The following FAM89A variants were observed in gnomAD, a reference collection of about 807,000 sequenced individuals.
FAM89A encodes the protein family with sequence similarity 89 member A.
In FAM89A, 10 loss-of-function variants were observed where a neutral mutation model predicts 7.1. That is an observed-to-expected ratio of 1.40 (90% confidence interval 0.86 to 2.38). FAM89A has a LOEUF of 2.38. Among genes scored for constraint, FAM89A ranks in the 30% most tolerant of loss-of-function variants. The pLI is 0.00. For missense variants in FAM89A, 276 were observed against 262.8 expected, an observed-to-expected ratio of 1.05 and a Z score of -0.35; for synonymous variants, 157 against 129.3, an observed-to-expected ratio of 1.21 and a Z score of -1.45.
At chr1:231,024,399 A>C (rs1679927803) in intron 1 of FAM89A, among the ~76,000 whole-genome samples, 1 of 152,132 alleles carries the variant, frequency 6.6e-6, no homozygotes, top group Non-Finnish European at 1.5e-5. Context: ...TTGGGTGTTA[A>C]ATTCCAGGTT....
chr1:231,022,140 G>C, intron 1 of FAM89A: 1 of 1,185,282 alleles, frequency 8.4e-7, no homozygotes, highest in Non-Finnish European at 1.3e-6. Context: ...CCAACTTGTA[G>C]GAAAAAGATC....
intron 1 of FAM89A, among the ~76,000 whole-genome samples, chr1:231,036,780 T>C (rs1031186351): frequency 2.6e-5 from 4 of 152,128 alleles, no homozygotes; most frequent in African/African-American, 9.7e-5. Flanking sequence ...AAACCTCTCT[T>C]CCAGCTTCCA....
chr1:231,021,894 G>C, intron 1 of FAM89A: 1 of 1,563,976 alleles, frequency 6.4e-7, no homozygotes, highest in Non-Finnish European at 8.8e-7. Flanking sequence ...ATGGTGAGCA[G>C]TGACGATGAG....
Position 231,019,882 on chromosome 1 carries a change from C to T in FAM89A, c.536G>A (p.Trp179Ter), listed in dbSNP as rs1380992481. The change falls in exon 2 of 2, where the codon TGG becomes TAG. Residue 179 changes from tryptophan to a stop codon, truncating the protein, a stop_gained. Transcript: ENST00000366654. LOFTEE classifies it high-confidence loss of function. ...LPVSSLSSSD[W>*]ILESI ...GACCCTCTAGATGGACTCCAGAATC[C>T]AGTCGCTGCTGGAGAGGGAGGAGAC... is the stretch of plus-strand genomic sequence containing the variant. 6.2e-7 allele frequency: 1 copy of T among 1,614,066 alleles called. No homozygotes were observed.
In FAM89A at chr1:231,019,925, G is replaced by A. The variant is rs201759730; in HGVS notation, c.493C>T (p.Arg165Trp). 2.1e-4 allele frequency: 337 copies of A among 1,614,142 alleles called. 2 individuals carry two copies. The highest frequency in any genetic ancestry group is 1.3e-3 in the South Asian group (114 of 91,086). Residue 165 changes from arginine to tryptophan, a missense_variant, in exon 2 of 2, where the codon CGG becomes TGG. Arg to Trp is a moderately radical substitution (Grantham distance 101). Transcript: ENST00000366654. ...GAGGAGACAGGCAGTGACAAGTCCC[G>A]AGGAGGGCCTCGGTCCCTCCTGTCG... ...LHDRRDRGPP[R>W]DLSLPVSSLS... is the part of the protein sequence containing the mutation.
At chr1:231,021,965 G>A (rs1169266767) in intron 1 of FAM89A, 1 of 1,376,588 alleles carries the variant, frequency 7.3e-7, no homozygotes, top group Non-Finnish European at 1.0e-6. Flanking sequence ...CACCAGGGAT[G>A]AGGGCGCTAT....
chr1:231,039,905 G>A lies in FAM89A; in HGVS notation c.291+16C>T. ...GCCCGGCCGGGAAGAGCCCCAGCTCGCGGAGCCCCACTCACCATCTCTTTG... is the reference window on the plus strand; with the variant it reads ...GCCCGGCCGGGAAGAGCCCCAGCTCACGGAGCCCCACTCACCATCTCTTTG... On this transcript the variant is annotated intron_variant, in intron 1 of 1. Coordinates refer to ENST00000366654, the MANE Select transcript of FAM89A (RefSeq NM_198552.3). 7.7e-7 allele frequency: 1 copy of A among 1,292,632 alleles called. No homozygotes were observed. Among genetic ancestry groups the A allele is most frequent in the Non-Finnish European group, 9.8e-7 (1 of 1,021,980 alleles). The allele number at this position is 1,292,632 out of a possible 1,614,324, so 80.1% of individuals were successfully genotyped here.
chr1:231,033,216 C>A (rs941319034), intron 1 of FAM89A, among the ~76,000 whole-genome samples: 1 of 152,218 alleles, frequency 6.6e-6, no homozygotes, highest in African/African-American at 2.4e-5. Flanking sequence ...GGCCAGGAGG[C>A]CAGGGCTCCA....
At chr1:231,020,670 G>A (rs1454324499) in intron 1 of FAM89A, among the ~76,000 whole-genome samples, 1 of 152,124 alleles carries the variant, frequency 6.6e-6, no homozygotes, top group Non-Finnish European at 1.5e-5. Flanking sequence ...AGGTTACACT[G>A]CCTCCCTCTC....
In FAM89A at chr1:231,019,698, G is replaced by A. The variant is rs955659266; in HGVS notation, c.*165C>T. ...TGCCATCAAAGCAGACTGCCACCAT[G>A]CATCCGCGGAGAACTCCCTGCCTAC... On this transcript the variant is annotated 3_prime_UTR_variant, in exon 2 of 2. Transcript: ENST00000366654. 65 of 721,312 alleles carry A rather than the reference G, an allele frequency of 9.0e-5. No homozygotes were observed. The highest frequency in any genetic ancestry group is 1.4e-4 in the Non-Finnish European group (61 of 446,632). The allele number at this position is 721,312 out of a possible 1,614,324, so 44.7% of individuals were successfully genotyped here.
chr1:231,019,789 A>C lies in FAM89A; in HGVS notation c.*74T>G, dbSNP rs780213134. On this transcript the variant is annotated 3_prime_UTR_variant, in exon 2 of 2. Coordinates refer to ENST00000366654, the MANE Select transcript of FAM89A (RefSeq NM_198552.3). ...GTCCACAACGGAGGTGCTTTCTTGCAAGAGAAGCAGCAAATGATGACAGCG... is the reference window on the plus strand; with the variant it reads ...GTCCACAACGGAGGTGCTTTCTTGCCAGAGAAGCAGCAAATGATGACAGCG... 10 of 1,530,736 alleles carry C rather than the reference A, an allele frequency of 6.5e-6. No homozygotes were observed. The highest frequency in any genetic ancestry group is 8.0e-6 in the Non-Finnish European group (9 of 1,128,118). The allele number at this position is 1,530,736 out of a possible 1,614,324, so 94.8% of individuals were successfully genotyped here. A position where few individuals can be genotyped will look rare whatever the true frequency, so the allele number is the denominator to read the frequency against.
At chr1:231,022,575 C>G (rs2103070553) in intron 1 of FAM89A, among the ~76,000 whole-genome samples, 1 of 152,292 alleles carries the variant, frequency 6.6e-6, no homozygotes, top group African/African-American at 2.4e-5. Context: ...GCCTGCCACA[C>G]ATTGACCAAG....
At chr1:231,039,538 G>T (rs758477846) in intron 1 of FAM89A, among the ~76,000 whole-genome samples, 2 of 152,194 alleles carry the variant, frequency 1.3e-5, no homozygotes, top group Non-Finnish European at 2.9e-5. Flanking sequence ...CCGTTGGGCC[G>T]CTGTGAAAGC....
At chr1:231,025,810 A>T (rs1057469534) in intron 1 of FAM89A, among the ~76,000 whole-genome samples, 16 of 152,166 alleles carry the variant, frequency 1.1e-4, no homozygotes, top group African/African-American at 3.4e-4. Context: ...TTGAAAAAAT[A>T]AATAAATAAT....
chr1:231,027,563 C>T (rs932598120), intron 1 of FAM89A, among the ~76,000 whole-genome samples: 3 of 152,182 alleles, frequency 2.0e-5, no homozygotes, highest in Non-Finnish European at 4.4e-5. Flanking sequence ...TAAATCAGCT[C>T]GGAGGACATA....
chr1:231,030,974 G>T (rs539703465), intron 1 of FAM89A, among the ~76,000 whole-genome samples: 2 of 152,084 alleles, frequency 1.3e-5, no homozygotes, highest in Non-Finnish European at 2.9e-5. Context: ...GCTGGGTGTG[G>T]TGGCATTTGC....
At chr1:231,030,908 G>A (rs867457064) in intron 1 of FAM89A, among the ~76,000 whole-genome samples, 26 of 152,100 alleles carry the variant, frequency 1.7e-4, no homozygotes, top group African/African-American at 5.3e-4. Flanking sequence ...CTGAGAGTTC[G>A]AGACCAGCCT....
At chr1:231,024,914 C>A (rs1274704920) in intron 1 of FAM89A, among the ~76,000 whole-genome samples, 2 of 63,410 alleles carry the variant, frequency 3.2e-5, no homozygotes, top group East Asian at 7.8e-4. Flanking sequence ...CACAACTACT[C>A]TTTTTTTTTT....
chr1:231,039,399 G>A (rs1680215803), intron 1 of FAM89A, among the ~76,000 whole-genome samples: 1 of 152,212 alleles, frequency 6.6e-6, no homozygotes, highest in Non-Finnish European at 1.5e-5. Flanking sequence ...GGGCCATCCC[G>A]CGGTAATCGG....
Sources: gnomAD v4.1 joint callset for allele counts (sites outside exome capture counted in the v4.1 genomes callset) on GRCh38, gnomAD v4.1.1 for gene constraint, MANE v1.5 for transcripts, NCBI Gene and HGNC (gene_info 2026-07-23, HGNC 2026-07-21) for gene names.